The following ABL1 variants were observed in gnomAD, a reference collection of about 807,000 sequenced individuals.
The protein encoded by ABL1 is tyrosine-protein kinase ABL1.
A neutral mutation model predicts 94.7 loss-of-function variants in ABL1; 11 were observed. The ratio of observed to expected loss-of-function variants is 0.12; its 90% CI spans 0.07 to 0.19. ABL1 has a LOEUF of 0.19. ABL1 is among the 10% of genes least tolerant of loss of function. ABL1 has a pLI of 1.00. For synonymous variants in ABL1, 656 were observed against 622.4 expected (o/e 1.05, Z -0.80); for missense variants, 1,082 against 1,489.4 (o/e 0.73, Z 4.50).
At chr9:130,742,004 G>A (rs895667927) in intron 1 of ABL1, among the ~76,000 whole-genome samples, 1 of 152,178 alleles carries the variant, frequency 6.6e-6, no homozygotes. Flanking sequence ...ACAGGGCCTG[G>A]GTGCCCTTTA....
chr9:130,812,651 T>C (rs76635276), intron 1 of ABL1, among the ~76,000 whole-genome samples: 194 of 152,352 alleles, frequency 1.3e-3, no homozygotes, highest in African/African-American at 4.5e-3. Flanking sequence ...TAAATGTTTA[T>C]GCATGTATTA....
chr9:130,830,711 G>C (rs187309154), upstream of ABL1, among the ~76,000 whole-genome samples: 2 of 152,208 alleles, frequency 1.3e-5, no homozygotes, highest in African/African-American at 4.8e-5. Context: ...ACTGTTTATC[G>C]AGCACCTTCT....
chr9:130,834,084 G>A (rs1191253198), upstream of ABL1: 2 of 455,978 alleles, frequency 4.4e-6, no homozygotes, highest in Non-Finnish European at 8.8e-6. Context: ...TGGGCAAGGT[G>A]TCTGACTTCT....
At chr9:130,721,826 T>TG (rs907729046) in intron 1 of ABL1, among the ~76,000 whole-genome samples, 11 of 148,774 alleles carry the variant, frequency 7.4e-5, no homozygotes, top group East Asian at 3.9e-4. Context: ...TTTTTTGTTT[T>TG]TTTTTTTTTT....
chr9:130,872,088 C>T lies in ABL1; in HGVS notation c.823-41C>T. On this transcript the variant is annotated intron_variant, in intron 4 of 10. Transcript: ENST00000318560. This position sits in a 1 kb window ranked among gnomAD's most constrained non-coding sequence, Gnocchi z 5.0. ...TCAAGTACTTACCCACTGAAAAGCA[C>T]TTCCTGAAATAATTTCACCTTCGTT... The T allele has an allele frequency of 3.1e-6, 5 of 1,593,066 alleles. No homozygotes were observed. Among genetic ancestry groups the T allele is most frequent in the Non-Finnish European group, 4.3e-6 (5 of 1,162,072 alleles).
In ABL1 at chr9:130,787,740, C is replaced by A. The variant is rs551707581; in HGVS notation, c.137-66324C>A. On this transcript the variant is annotated intron_variant, in intron 1 of 10. Transcript: ENST00000372348. ...AGTTCAGACAGGAATTCTAGTGTTA[C>A]ACCAGCCCATGCTCAGCTCCATAAG... is the stretch of plus-strand genomic sequence containing the variant. 6.2e-4 allele frequency among the ~76,000 whole-genome samples: 95 copies of A among 152,292 alleles called. 1 individual carries two copies. The highest frequency in any genetic ancestry group is 2.2e-3 in the African/African-American group (90 of 41,572).
chr9:130,734,285 C>T (rs1831705996), intron 1 of ABL1, among the ~76,000 whole-genome samples: 1 of 150,052 alleles, frequency 6.7e-6, no homozygotes, highest in East Asian at 2.0e-4. Context: ...GCGATCTCGG[C>T]TCACTGCCAG....
At chr9:130,769,668 A>AT (rs905002017) in intron 1 of ABL1, among the ~76,000 whole-genome samples, 2 of 151,810 alleles carry the variant, frequency 1.3e-5, no homozygotes, top group Non-Finnish European at 2.9e-5. Context: ...GTATTGTATT[A>AT]TTTTTTAGTC....
intron 7 of ABL1, among the ~76,000 whole-genome samples, chr9:130,875,446 CTTTTTT>C (rs34709473): frequency 5.5e-5 from 8 of 145,208 alleles, no homozygotes; most frequent in African/African-American, 1.7e-4. Context: ...CACAGCCACC[CTTTTTT>C]TTTTTTTTTT....
At chr9:130,745,222 T>C (rs754034220) in intron 1 of ABL1, among the ~76,000 whole-genome samples, 2 of 151,984 alleles carry the variant, frequency 1.3e-5, no homozygotes, top group Non-Finnish European at 2.9e-5. Flanking sequence ...GTAGCTGGGA[T>C]TACAGGCATG....
intron 1 of ABL1, among the ~76,000 whole-genome samples, chr9:130,826,153 T>C (rs972590641): frequency 7.0e-6 from 1 of 143,460 alleles, no homozygotes; most frequent in East Asian, 1.9e-4. Flanking sequence ...ATAAAAAGAT[T>C]TCTTTTTTTT....
At position 130,828,146 on chromosome 9, in the gene ABL1, A is replaced by G. The variant is rs147728086; in HGVS notation, c.137-25918A>G. ...GTCACCCAGGCTGGAGTGCAGTGGC[A>G]AGATCACAGCTCACTGCAGCCCCAA... is the stretch of plus-strand genomic sequence containing the variant. On this transcript the variant is annotated intron_variant, in intron 1 of 10. Coordinates refer to the ABL1 transcript ENST00000372348. Among the ~76,000 whole-genome samples the G allele has an allele frequency of 6.0e-3, 919 of 151,968 alleles. 8 individuals are homozygous for G. Among genetic ancestry groups the G allele is most frequent in the African/African-American group, 0.021 (861 of 41,464 alleles).
intron 1 of ABL1, among the ~76,000 whole-genome samples, chr9:130,747,538 C>T (rs186970162): frequency 6.6e-6 from 1 of 152,210 alleles, no homozygotes; most frequent in African/African-American, 2.4e-5. Context: ...CTCAGTCTCC[C>T]AAGTAGCTGA....
At chr9:130,741,927 C>T (rs1831825339) in intron 1 of ABL1, among the ~76,000 whole-genome samples, 1 of 152,174 alleles carries the variant, frequency 6.6e-6, no homozygotes, top group African/African-American at 2.4e-5. Flanking sequence ...GTGAGTGCCA[C>T]AGCTTCCTGC....
chr9:130,730,344 C>T (rs1173281602), intron 1 of ABL1, among the ~76,000 whole-genome samples: 1 of 151,660 alleles, frequency 6.6e-6, no homozygotes, highest in African/African-American at 2.4e-5. Flanking sequence ...GCCTAGCCTC[C>T]GGCCAGACTT....
intron 1 of ABL1, among the ~76,000 whole-genome samples, chr9:130,794,799 A>T (rs1156384999): frequency 6.6e-6 from 1 of 152,120 alleles, no homozygotes. Context: ...GACTTTAAAT[A>T]ATGGAACCTT....
chr9:130,811,558 T>C (rs1412100940), intron 1 of ABL1, among the ~76,000 whole-genome samples: 1 of 152,048 alleles, frequency 6.6e-6, no homozygotes, highest in Admixed American at 6.6e-5. Flanking sequence ...ATAATGTCAA[T>C]TGAAGGTAGA....
At chr9:130,846,603 C>T (rs866311379) in intron 1 of ABL1, among the ~76,000 whole-genome samples, 14 of 152,300 alleles carry the variant, frequency 9.2e-5, no homozygotes, top group African/African-American at 1.9e-4. Context: ...CATAGCTGGC[C>T]GCCTTGCACT....
chr9:130,773,532 C>T lies in ABL1; in HGVS notation c.136+59077C>T, dbSNP rs542858084. 4.1e-3 allele frequency among the ~76,000 whole-genome samples: 622 copies of T among 151,840 alleles called. 6 individuals are homozygous for T. Among genetic ancestry groups the T allele is most frequent in the African/African-American group, 0.014 (592 of 41,430 alleles). On this transcript the variant is annotated intron_variant, in intron 1 of 10. Coordinates refer to the ABL1 transcript ENST00000372348. ...GGAGTGTAGTGGTGCAATCATGGCT[C>T]ACTGAAGCCTTGACCTCCTGGGCTC...
Sources: gnomAD v4.1 joint callset for allele counts (sites outside exome capture counted in the v4.1 genomes callset) on GRCh38, gnomAD v4.1.1 for gene constraint, Gnocchi (gnomAD v3.1) non-coding constraint, MANE v1.5 for transcripts, NCBI Gene and HGNC (gene_info 2026-07-23, HGNC 2026-07-21) for gene names.